The following KMT2C variants were observed in gnomAD, a reference collection of about 807,000 sequenced individuals.
KMT2C encodes the protein lysine methyltransferase 2C, also known as histone-lysine N-methyltransferase 2C.
Under a neutral mutation model 507.9 loss-of-function variants are expected in KMT2C, and 88 were observed. The observed-to-expected ratio is 0.17, with a 90% CI of 0.15 to 0.21. The LOEUF (loss-of-function observed/expected upper bound fraction) is 0.21. KMT2C is among the 10% of genes least tolerant of loss of function. The pLI, the probability that KMT2C is intolerant of heterozygous loss-of-function variation, is 1.00. For missense variants in KMT2C, 4,954 were observed against 5,957.8 expected (o/e 0.83, Z 5.55); for synonymous variants, 2,049 against 2,080.8 (o/e 0.98, Z 0.42).
chr7:152,183,709 C>G (rs2093514459), intron 34 of KMT2C, among the ~76,000 whole-genome samples: 1 of 152,142 alleles, frequency 6.6e-6, no homozygotes, highest in African/African-American at 2.4e-5. Flanking sequence ...CCAGCCTGAC[C>G]AACATGGAGA....
intron 6 of KMT2C, among the ~76,000 whole-genome samples, chr7:152,279,884 T>C (rs1210341437): frequency 2.6e-5 from 4 of 152,300 alleles, no homozygotes; most frequent in African/African-American, 9.6e-5. Context: ...TAGGCAGTAT[T>C]CTAAAATGCC....
rs61473498 is a variant in KMT2C at position 152,296,997 on chromosome 7, A to AAAAGAAAGAAAGAAAGAAAGAAAG, written c.849+12945_849+12968dup. Among the ~76,000 whole-genome samples, 367 of 58,980 alleles carry AAAAGAAAGAAAGAAAGAAAGAAAG rather than the reference A, an allele frequency of 6.2e-3. 10 individuals are homozygous for AAAAGAAAGAAAGAAAGAAAGAAAG. The highest frequency in any genetic ancestry group is 0.011 in the Middle Eastern group (1 of 92). The allele number at this position is 58,980 out of a possible 152,430, so 38.7% of individuals were successfully genotyped here. A position where few individuals can be genotyped will look rare whatever the true frequency, so the allele number is the denominator to read the frequency against. On this transcript the variant is annotated intron_variant, in intron 6 of 58. Transcript: ENST00000262189. ...ACCACTAAAAAGAAAGAAAGAAAGAAAAAGAAAGAAAGAAAGAAAGAAAGA... is the reference window on the plus strand; with the variant it reads ...ACCACTAAAAAGAAAGAAAGAAAGAAAAAGAAAGAAAGAAAGAAAGAAAGAAAGAAAGAAAGAAAGAAAGAAAGA...
intron 31 of KMT2C, among the ~76,000 whole-genome samples, chr7:152,188,243 C>T (rs2093681808): frequency 6.6e-6 from 1 of 152,180 alleles, no homozygotes; most frequent in Non-Finnish European, 1.5e-5. Context: ...ATGATCTCTA[C>T]AGCTGTGATT....
At chr7:152,315,768 T>G (rs2096716970) in intron 3 of KMT2C, among the ~76,000 whole-genome samples, 1 of 151,984 alleles carries the variant, frequency 6.6e-6, no homozygotes, top group South Asian at 2.1e-4. Flanking sequence ...AATACAAAAA[T>G]TAGCTGGGTG....
chr7:152,400,840 A>AAT (rs890129553), intron 1 of KMT2C, among the ~76,000 whole-genome samples: 1 of 151,792 alleles, frequency 6.6e-6, no homozygotes, highest in African/African-American at 2.4e-5. Context: ...AACAGGTCTA[A>AAT]ATACTTCTAG....
intron 1 of KMT2C, among the ~76,000 whole-genome samples, chr7:152,416,808 T>G (rs148649656): frequency 0.013 from 1,940 of 151,624 alleles, 44 homozygotes; most frequent in African/African-American, 0.045. Context: ...TCCCAGGACT[T>G]TGGGAGGCTA....
intron 1 of KMT2C, among the ~76,000 whole-genome samples, chr7:152,422,827 A>T (rs1198058777): frequency 2.0e-5 from 3 of 151,832 alleles, no homozygotes; most frequent in African/African-American, 7.3e-5. Flanking sequence ...ATCAAGATCA[A>T]CCTGGCTAAC....
rs2092495166 is a variant in KMT2C at position 152,162,240 on chromosome 7, G to A, written c.11337C>T (p.His3779=). 1 of 1,614,038 alleles carries A rather than the reference G, an allele frequency of 6.2e-7. No homozygotes were observed. Among genetic ancestry groups the A allele is most frequent in the Non-Finnish European group, 8.5e-7 (1 of 1,179,962 alleles). The change falls in exon 43 of 59, where the codon CAC becomes CAT. Residue 3779 remains histidine (H), a synonymous_variant. Coordinates refer to ENST00000262189, the MANE Select transcript of KMT2C (RefSeq NM_170606.3). ...AAGATGACTTTTTATTTTTCAACAA[G>A]TGTTTCAGAAGTTCATTCCCTGAGT... ...KGDSGNELLK[H]LLKNKKSSSL...
chr7:152,157,793 C>T, intron 44 of KMT2C: 3 of 1,311,032 alleles, frequency 2.3e-6, no homozygotes, highest in South Asian at 1.2e-5. Flanking sequence ...TAGTCCGAAA[C>T]CCCTTCCAGG....
chr7:152,205,203 C>G lies in KMT2C; in HGVS notation c.3864G>C (p.Arg1288=), dbSNP rs764377664. ...YRPGIGGFMV[R]QRSRTGQGKT... Reference sequence around the variant, plus strand: ...TCCCTTGCCCAGTTCGACTTCTTTGCCGCACCATAAATCCACCAATACCTA... The same window carrying G: ...TCCCTTGCCCAGTTCGACTTCTTTGGCGCACCATAAATCCACCAATACCTA... Residue 1288 remains arginine (R), a synonymous_variant, in exon 25 of 59, where the codon CGG becomes CGC. Transcript: ENST00000262189. 14 of 1,610,548 alleles carry G rather than the reference C, an allele frequency of 8.7e-6. No homozygotes were observed. Among genetic ancestry groups the G allele is most frequent in the Admixed American group, 1.7e-5 (1 of 59,952 alleles).
At chr7:152,179,209 T>C (rs1437035048) in intron 37 of KMT2C, among the ~76,000 whole-genome samples, 1 of 152,234 alleles carries the variant, frequency 6.6e-6, no homozygotes, top group Non-Finnish European at 1.5e-5. Flanking sequence ...TTGGCCAGGT[T>C]GGTCTCGAAC....
intron 27 of KMT2C, among the ~76,000 whole-genome samples, chr7:152,198,772 T>C (rs1031798423): frequency 2.0e-5 from 3 of 152,102 alleles, no homozygotes; most frequent in African/African-American, 7.2e-5. Flanking sequence ...CTGTTAAACA[T>C]CCTTCTATAC....
chr7:152,246,303 G>A (rs184860492), intron 14 of KMT2C, among the ~76,000 whole-genome samples: 1 of 151,968 alleles, frequency 6.6e-6, no homozygotes, highest in Non-Finnish European at 1.5e-5. Context: ...ACTTACAAGA[G>A]TAGCAGCAAA....
rs376439099 is a variant in KMT2C, at chr7:152,197,909, T to C, written c.4273+1370A>G. On this transcript the variant is annotated intron_variant, in intron 27 of 58. Transcript: ENST00000262189. ...TTGTAAAACTGTTCTCTCTTCAGTA[T>C]TTTTGTGGAAAAAAATAAATAAAGA... is the stretch of plus-strand genomic sequence containing the variant. Among the ~76,000 whole-genome samples, 62 of 152,176 alleles carry C rather than the reference T, an allele frequency of 4.1e-4. 1 individual carries two copies. In the East Asian group the frequency reaches 9.6e-3, roughly 24 times the overall value.
intron 2 of KMT2C, among the ~76,000 whole-genome samples, chr7:152,344,210 TG>T (rs1333372821): frequency 6.6e-6 from 1 of 152,202 alleles, no homozygotes; most frequent in East Asian, 1.9e-4. Context: ...ATTACAGTGG[TG>T]CCATCTTATC....
chr7:152,249,789 T>C (rs1436041247), intron 13 of KMT2C, 87 bp downstream of exon 13: 4 of 663,032 alleles, frequency 6.0e-6, no homozygotes, highest in South Asian at 1.7e-5. Context: ...GTAATGTATA[T>C]ACATACAGCA....
rs2096654537 is a variant in KMT2C, at chr7:152,309,803, G to A, written c.849+163C>T. 7.7e-6 allele frequency: 4 copies of A among 519,416 alleles called. No homozygotes were observed. In the South Asian group the frequency reaches 8.9e-5, roughly 12 times the overall value. 32.2% of individuals were successfully genotyped at this position (519,416 alleles called of 1,614,324 possible). A position where few individuals can be genotyped will look rare whatever the true frequency, so the allele number is the denominator to read the frequency against. On this transcript the variant is annotated intron_variant, in intron 6 of 58. Coordinates refer to ENST00000262189, the MANE Select transcript of KMT2C (RefSeq NM_170606.3). ...CCCAAAGTGCTGGGATTACAGGTGT[G>A]AGCCACCATACCTGGCCTAGAATTT... is the stretch of plus-strand genomic sequence containing the variant.
intron 6 of KMT2C, among the ~76,000 whole-genome samples, chr7:152,291,331 C>T (rs796471277): frequency 6.6e-6 from 1 of 152,352 alleles, no homozygotes; most frequent in African/African-American, 2.4e-5. Context: ...ATGAAGTCCA[C>T]AAATGCAAGT....
intron 1 of KMT2C, among the ~76,000 whole-genome samples, chr7:152,390,792 A>C (rs2097486985): frequency 6.6e-6 from 1 of 152,166 alleles, no homozygotes; most frequent in African/African-American, 2.4e-5. Flanking sequence ...ACACACACAC[A>C]CTGTGCCAGA....
Sources: allele counts gnomAD v4.1 joint callset (sites outside exome capture counted in the v4.1 genomes callset), GRCh38; gene constraint gnomAD v4.1.1; transcripts MANE v1.5; gene names NCBI Gene and HGNC (gene_info 2026-07-23, HGNC 2026-07-21).